Variants in LTK observed in about 807,000 individuals in gnomAD.
LTK encodes the protein leukocyte receptor tyrosine kinase, also known as leukocyte tyrosine kinase receptor.
A neutral mutation model predicts 101.5 loss-of-function variants in LTK; 117 were observed. The ratio of observed to expected loss-of-function variants is 1.15; its 90% confidence interval spans 0.99 to 1.34. LTK has a LOEUF of 1.34. LTK is among the 40% of genes most tolerant of loss of function. LTK has a pLI of 0.00. For missense variants in LTK, 1,252 were observed against 1,164.7 expected (o/e 1.07, Z -1.09); for synonymous variants, 563 against 494.2 (o/e 1.14, Z -1.85).
At chr15:41,507,747 T>G in intron 9 of LTK, 90 bp from the exon 10 acceptor site, 1 of 1,377,892 alleles carries the variant, frequency 7.3e-7, no homozygotes, top group Non-Finnish European at 9.7e-7. Context: ...TCAGCTCAAG[T>G]GTTAATTTTT....
chr15:41,513,152 T>C, intron 1 of LTK, 32 bp from the exon 2 acceptor site: 1 of 1,554,362 alleles, frequency 6.4e-7, no homozygotes. Context: ...CGCAGGACGT[T>C]AAGGCGGGTG....
intron 1 of LTK, 89 bp downstream of exon 1, chr15:41,513,578 C>A: frequency 1.6e-6 from 2 of 1,231,494 alleles, no homozygotes; most frequent in South Asian, 1.2e-5. Context: ...CTGGAGGAAC[C>A]ACTGACACCT....
Position 41,512,774 on chromosome 15 carries a change from T to C in LTK, c.292A>G (p.Thr98Ala). The change falls in exon 3 of 20, where the codon ACC (threonine) becomes GCC (alanine). Residue 98 changes from threonine to alanine, a missense_variant. By Grantham distance (58) the Thr-to-Ala change is moderately conservative. Transcript: ENST00000263800. The part of the protein sequence containing the change: ...GAYAGTSVVV[T>A]VGAAGQLRGV... ...CTCAGCTGCCCGGCGGCCCCCACGG[T>C]CACCACCACGCTGGTCCCCGCGTAC... 6.2e-7 allele frequency: 1 copy of C among 1,611,150 alleles called. No homozygotes were observed. The highest frequency in any genetic ancestry group is 8.5e-7 in the Non-Finnish European group (1 of 1,179,296).
In LTK at chr15:41,506,365, C is replaced by T. The variant is rs1041583446; in HGVS notation, c.1542-360G>A. 4.6e-5 allele frequency among the ~76,000 whole-genome samples: 7 copies of T among 152,184 alleles called. No homozygotes were observed. The East Asian group carries it at 7.7e-4, about 17-fold the overall frequency. ...TGTCATGCAGGCTGGAGTGCAATAG[C>T]GCGATCTCGGCTCACTGCAACCTCT... On this transcript the variant is annotated intron_variant, in intron 11 of 19. Coordinates refer to ENST00000263800, the MANE Select transcript of LTK (RefSeq NM_002344.6).
Position 41,505,997 on chromosome 15 carries a change from C to A in LTK, c.1550G>T (p.Gly517Val). The A allele has an allele frequency of 1.9e-6, 3 of 1,613,336 alleles. No homozygotes were observed. The highest frequency in any genetic ancestry group is 2.5e-6 in the Non-Finnish European group (3 of 1,179,358). ...ATACACCTCCCCAAAGGCACCATGG[C>A]CCAGGGCTCTGCAGGAAGACACGTT... ...PANVTLLRAL[G>V]HGAFGEVYEG... is the part of the protein sequence containing the mutation. The change falls in exon 12 of 20, where the codon GGC becomes GTC. Residue 517 changes from glycine (G) to valine (V), a missense_variant. Coordinates refer to ENST00000263800, the MANE Select transcript of LTK (RefSeq NM_002344.6).
At position 41,511,383 on chromosome 15, in the gene LTK, G is replaced by C. The variant is rs2140728944; in HGVS notation, c.815-37C>G. The C allele has an allele frequency of 1.5e-6, 2 of 1,366,406 alleles. No individual in the cohort carries two copies. Among genetic ancestry groups the C allele is most frequent in the East Asian group, 3.1e-5 (1 of 32,410 alleles). The allele number at this position is 1,366,406 out of a possible 1,614,324, so 84.6% of individuals were successfully genotyped here. On this transcript the variant is annotated intron_variant, in intron 6 of 19. Coordinates refer to ENST00000263800, the MANE Select transcript of LTK (RefSeq NM_002344.6). This position sits in a 1 kb window ranked among gnomAD's most constrained non-coding sequence, Gnocchi z 5.9. ...CAGCAGGAAGGTTGGCAGCCACACG[G>C]GGAGCACGCCCGCCTCTCCCCGCGG...
rs1293421051 is a variant in LTK at position 41,504,652 on chromosome 15, G to C, written c.2121-12C>G. On this transcript the variant is annotated splice_polypyrimidine_tract_variant and intron_variant, in intron 17 of 19. Coordinates refer to ENST00000263800, the MANE Select transcript of LTK (RefSeq NM_002344.6). ...GCACCCCAAAAGACCTGCATCACAA[G>C]TGGGGGAACCAAGTGAGGCCCGTCA... 7 of 1,611,746 alleles carry C rather than the reference G, an allele frequency of 4.3e-6. No homozygotes were observed. Among genetic ancestry groups the C allele is most frequent in the Non-Finnish European group, 5.9e-6 (7 of 1,179,180 alleles).
At position 41,505,028 on chromosome 15, in the gene LTK, A is replaced by C. The variant is rs2051216287; in HGVS notation, c.1962T>G (p.Ala654=). Residue 654 remains alanine, a synonymous_variant, in exon 16 of 20, where the codon GCT becomes GCG. Transcript: ENST00000263800. ...CAATCTTGGCCACTCGGCTGGGTCC[A>C]GCGCAGCTCAGCAGGCAGTTCCGGG... ...IAARNCLLSC[A]GPSRVAKIGD... 6.2e-7 allele frequency: 1 copy of C among 1,613,508 alleles called. No homozygotes were observed. The highest frequency in any genetic ancestry group is 8.5e-7 in the Non-Finnish European group (1 of 1,179,726).
At position 41,509,024 on chromosome 15, in the gene LTK, C is replaced by A; in HGVS notation, c.1096+7G>T. The A allele has an allele frequency of 2.5e-6, 4 of 1,594,480 alleles. No individual in the cohort carries two copies. Among genetic ancestry groups the A allele is most frequent in the Non-Finnish European group, 3.4e-6 (4 of 1,169,134 alleles). ...GCCAGGCTCAGAGGTGGGGTTGGGGCCAATACCTGCCAGAGGCTGCAGGAA... is the reference window on the plus strand; with the variant it reads ...GCCAGGCTCAGAGGTGGGGTTGGGGACAATACCTGCCAGAGGCTGCAGGAA... On this transcript the variant is annotated splice_region_variant and intron_variant, in intron 8 of 19. Transcript: ENST00000263800.
Position 41,505,914 on chromosome 15 carries a change from C to T in LTK, c.1632+1G>A, listed in dbSNP as rs754583183. On this transcript the variant is annotated splice_donor_variant, in intron 12 of 19. Coordinates refer to ENST00000263800, the MANE Select transcript of LTK (RefSeq NM_002344.6). LOFTEE classifies it high-confidence loss of function. Reference sequence around the variant, plus strand: ...CCAGCCAGAAGTCCCACTCCTCTCACCTTGATAGCTACCTGCAGGGGACTG... The same window carrying T: ...CCAGCCAGAAGTCCCACTCCTCTCATCTTGATAGCTACCTGCAGGGGACTG... 3.1e-6 allele frequency: 5 copies of T among 1,613,180 alleles called. No homozygotes were observed. The highest frequency in any genetic ancestry group is 1.3e-5 in the African/African-American group (1 of 74,922).
rs2051502142 is a variant in LTK, at chr15:41,512,220, G to T, written c.405C>A (p.His135Gln). The T allele has an allele frequency of 6.2e-7, 1 of 1,613,148 alleles. No homozygotes were observed. Among genetic ancestry groups the T allele is most frequent in the East Asian group, 2.2e-5 (1 of 44,862 alleles). Residue 135 changes from histidine (H) to glutamine (Q), a missense_variant, in exon 4 of 20, where the codon CAC becomes CAA. Coordinates refer to ENST00000263800, the MANE Select transcript of LTK (RefSeq NM_002344.6). ...GAAGGKGAKN[H>Q]LSRAHGVFVS... is the part of the protein sequence containing the mutation. The stretch of plus-strand genomic sequence containing the variant: ...CGAAGACGCCATGCGCCCGCGACAG[G>T]TGGTTCTTGGCGCCTTTGCCGCCCG...
Position 41,504,967 on chromosome 15 carries a change from C to G in LTK, c.2018+5G>C. 1 of 1,607,578 alleles carries G rather than the reference C, an allele frequency of 6.2e-7. No homozygotes were observed. Among genetic ancestry groups the G allele is most frequent in the Middle Eastern group, 1.7e-4 (1 of 6,012 alleles). On this transcript the variant is annotated splice_donor_5th_base_variant and intron_variant, in intron 16 of 19. Coordinates refer to ENST00000263800, the MANE Select transcript of LTK (RefSeq NM_002344.6). ...AAGAGCCTTCCCACCTCCCAAGTCC[C>G]GCACCGGTAGATATCTCGTGCCATC...
chr15:41,512,174 C>T lies in LTK; in HGVS notation c.451G>A (p.Gly151Ser), dbSNP rs956530109. The T allele has an allele frequency of 6.2e-7, 1 of 1,613,124 alleles. No homozygotes were observed. Among genetic ancestry groups the T allele is most frequent in the Non-Finnish European group, 8.5e-7 (1 of 1,179,800 alleles). Residue 151 changes from glycine to serine, a missense_variant, in exon 4 of 20, where the codon GGT becomes AGT. By Grantham distance (56) the Gly-to-Ser change is moderately conservative. Coordinates refer to ENST00000263800, the MANE Select transcript of LTK (RefSeq NM_002344.6). ...GVFVSAIFSL[G>S]LGESLYILVG... ...AGGATGTACAGCGACTCCCCGAGACCGAGGGAGAAGATTGCTGAGACGAAG... is the reference window on the plus strand; with the variant it reads ...AGGATGTACAGCGACTCCCCGAGACTGAGGGAGAAGATTGCTGAGACGAAG...
At chr15:41,506,769 T>C (rs564279468) in intron 11 of LTK, among the ~76,000 whole-genome samples, 1 of 152,108 alleles carries the variant, frequency 6.6e-6, no homozygotes, top group African/African-American at 2.4e-5. Flanking sequence ...TTTGTATTTT[T>C]AGTAGAGATG....
At chr15:41,507,062 G>T in intron 11 of LTK, 33 bp downstream of exon 11, 1 of 1,581,178 alleles carries the variant, frequency 6.3e-7, no homozygotes, top group South Asian at 1.1e-5. Flanking sequence ...GATTCAGAGT[G>T]CATAGGTTCT....
Position 41,509,094 on chromosome 15 carries a change from C to T in LTK, c.1033G>A (p.Asp345Asn), listed in dbSNP as rs147526720. Residue 345 changes from aspartate to asparagine, a missense_variant, in exon 8 of 20, where the codon GAT becomes AAT. Asp to Asn is a conservative substitution (Grantham distance 23). Coordinates refer to ENST00000263800, the MANE Select transcript of LTK (RefSeq NM_002344.6). Reference protein sequence around the residue: ...DASETDNLWADGEDGVSFIHP... With the variant: ...DASETDNLWANGEDGVSFIHP... ...ATGAAGGATACTCCATCTTCCCCAT[C>T]AGCCCAGAGGTTGTCAGTCTCTGAA... 3.7e-6 allele frequency: 6 copies of T among 1,613,894 alleles called. No individual in the cohort carries two copies. The highest frequency in any genetic ancestry group is 5.1e-6 in the Non-Finnish European group (6 of 1,179,892).
Position 41,504,768 on chromosome 15 carries a change from A to G in LTK, c.2120+5T>C, listed in dbSNP as rs2051198959. ...TGGGGAAGGGGAGGGGAAGGGTGTT[A>G]TCACCAGGAATCTGTCTTGGATGTG... On this transcript the variant is annotated splice_donor_5th_base_variant and intron_variant, in intron 17 of 19. Coordinates refer to ENST00000263800, the MANE Select transcript of LTK (RefSeq NM_002344.6). The G allele has an allele frequency of 7.8e-6, 12 of 1,542,434 alleles. No individual in the cohort carries two copies. The highest frequency in any genetic ancestry group is 7.1e-6 in the Non-Finnish European group (8 of 1,124,620).
At chr15:41,512,660 C>A in intron 3 of LTK, 47 bp downstream of exon 3, 1 of 1,492,006 alleles carries the variant, frequency 6.7e-7, no homozygotes, top group South Asian at 1.3e-5. Flanking sequence ...AGGGTGAAAC[C>A]TCCAACTAGC....
chr15:41,512,911 G>T (rs1412440495), intron 2 of LTK, 33 bp from the exon 3 acceptor site: 1 of 1,607,494 alleles, frequency 6.2e-7, no homozygotes. Context: ...GGGTCGTCGA[G>T]CCCCTGGCTG....
Sources: allele counts gnomAD v4.1 joint callset (sites outside exome capture counted in the v4.1 genomes callset), GRCh38; gene constraint gnomAD v4.1.1; non-coding constraint Gnocchi (gnomAD v3.1); transcripts MANE v1.5; gene names NCBI Gene and HGNC (gene_info 2026-07-23, HGNC 2026-07-21).